The following PDE4D variants were observed in gnomAD, a reference collection of about 807,000 sequenced individuals.
PDE4D encodes phosphodiesterase 4D.
Under a neutral mutation model 87.4 loss-of-function variants are expected in PDE4D, and 24 were observed. That is an observed-to-expected ratio of 0.27 (90% CI 0.20 to 0.39). The LOEUF is 0.39. Among genes scored for constraint, PDE4D ranks in the 10% least tolerant of loss-of-function variants. PDE4D has a pLI of 1.00. For synonymous variants in PDE4D, 384 were observed against 383.2 expected (o/e 1.00, Z -0.02); for missense variants, 714 against 1,041.0 (o/e 0.69, Z 4.32).
chr5:59,928,022 C>A lies in PDE4D; in HGVS notation c.272+60466G>T, dbSNP rs77477836. On this transcript the variant is annotated intron_variant, in intron 3 of 16. Coordinates refer to the PDE4D transcript ENST00000502484. ...TGAATAATACCCAGCAGATTTGAAT[C>A]AGGGACAAAGCTCTCAAGCTGCGTG... is the stretch of plus-strand genomic sequence containing the variant. Among the ~76,000 whole-genome samples, 473 of 152,226 alleles carry A rather than the reference C, an allele frequency of 3.1e-3. 2 individuals carry two copies. The highest frequency in any genetic ancestry group is 0.011 in the African/African-American group (443 of 41,542).
intron 5 of PDE4D, among the ~76,000 whole-genome samples, chr5:59,150,912 A>G (rs1779384309): frequency 1.3e-5 from 2 of 152,224 alleles, no homozygotes; most frequent in African/African-American, 4.8e-5. Flanking sequence ...ATGAGAAAGC[A>G]GACACTATGG....
intron 1 of PDE4D, among the ~76,000 whole-genome samples, chr5:59,561,888 C>A (rs1475898292): frequency 1.3e-5 from 2 of 150,172 alleles, no homozygotes; most frequent in African/African-American, 4.9e-5. Flanking sequence ...GCTGAGATCG[C>A]ACCACTGCAC....
chr5:59,348,623 C>CTTT (rs5868176), intron 1 of PDE4D, among the ~76,000 whole-genome samples: 36,773 of 129,606 alleles, frequency 0.28, 6,204 homozygotes, highest in East Asian at 0.37. Flanking sequence ...CACTTCAAAG[C>CTTT]TTTTTTTTTT....
intron 1 of PDE4D, among the ~76,000 whole-genome samples, chr5:60,441,857 C>T (rs545623775): frequency 6.6e-6 from 1 of 152,012 alleles, no homozygotes; most frequent in East Asian, 1.9e-4. Flanking sequence ...CATCACTGGT[C>T]ATTAGAGAAA....
intron 1 of PDE4D, among the ~76,000 whole-genome samples, chr5:59,530,876 A>T (rs2153679407): frequency 6.6e-6 from 1 of 152,256 alleles, no homozygotes; most frequent in African/African-American, 2.4e-5. Context: ...GAAGGGGTAT[A>T]AGCTGTTGGT....
chr5:59,970,443 T>G (rs1041579203), intron 3 of PDE4D, among the ~76,000 whole-genome samples: 5 of 152,118 alleles, frequency 3.3e-5, no homozygotes, highest in African/African-American at 9.7e-5. Flanking sequence ...GGAGAAAATT[T>G]TCGCAACCTA....
chr5:59,788,908 G>C (rs1356668043), intron 1 of PDE4D, among the ~76,000 whole-genome samples: 1 of 152,084 alleles, frequency 6.6e-6, no homozygotes, highest in Admixed American at 6.5e-5. Flanking sequence ...TAGTGATATG[G>C]GCTTTACAAA....
chr5:60,398,740 C>A (rs1377121294), intron 1 of PDE4D, among the ~76,000 whole-genome samples: 2 of 152,162 alleles, frequency 1.3e-5, no homozygotes, highest in South Asian at 2.1e-4. Context: ...TTACTAAATA[C>A]TTAATATGGG....
At chr5:60,337,388 T>TACAC (rs370108536) in intron 1 of PDE4D, among the ~76,000 whole-genome samples, 2,841 of 89,264 alleles carry the variant, frequency 0.032, 115 homozygotes, top group Non-Finnish European at 0.044. Flanking sequence ...TATATATATA[T>TACAC]ACACACACAC....
intron 1 of PDE4D, among the ~76,000 whole-genome samples, chr5:60,480,491 G>T (rs541002522): frequency 6.6e-6 from 1 of 152,224 alleles, no homozygotes; most frequent in Admixed American, 6.5e-5. Flanking sequence ...GGTACATGAA[G>T]ATTAATTAGT....
At chr5:60,503,158 A>G (rs74449620) in intron 1 of PDE4D, among the ~76,000 whole-genome samples, 6,168 of 152,226 alleles carry the variant, frequency 0.041, 157 homozygotes, top group Middle Eastern at 0.11. Flanking sequence ...ATTAACCATC[A>G]CGAATAAAAA....
intron 1 of PDE4D, among the ~76,000 whole-genome samples, chr5:60,210,902 T>C (rs1016437418): frequency 3.3e-5 from 5 of 152,170 alleles, no homozygotes; most frequent in Non-Finnish European, 7.4e-5. Context: ...TCCATCCTAA[T>C]GGTGGATGCT....
intron 1 of PDE4D, among the ~76,000 whole-genome samples, chr5:59,540,939 T>G (rs1014493235): frequency 1.3e-5 from 2 of 152,164 alleles, no homozygotes; most frequent in African/African-American, 4.8e-5. Flanking sequence ...TATTTTTATC[T>G]TATAGATTTA....
At chr5:60,444,813 G>A (rs538210347) in intron 1 of PDE4D, among the ~76,000 whole-genome samples, 22 of 151,658 alleles carry the variant, frequency 1.5e-4, no homozygotes, top group African/African-American at 4.1e-4. Context: ...CTGACAAGCC[G>A]TTCTGGGGGG....
intron 2 of PDE4D, among the ~76,000 whole-genome samples, chr5:60,129,964 G>T (rs1374925035): frequency 6.6e-6 from 1 of 152,122 alleles, no homozygotes. Flanking sequence ...GGCCTGGGGG[G>T]TGATTATATC....
At chr5:60,138,313 C>T (rs1015386797) in intron 2 of PDE4D, among the ~76,000 whole-genome samples, 1 of 151,888 alleles carries the variant, frequency 6.6e-6, no homozygotes, top group African/African-American at 2.4e-5. Context: ...TTGATGCAAC[C>T]CCTTGTTAAA....
At chr5:59,641,218 A>G (rs1398034151) in intron 1 of PDE4D, among the ~76,000 whole-genome samples, 2 of 152,234 alleles carry the variant, frequency 1.3e-5, no homozygotes, top group African/African-American at 2.4e-5. Flanking sequence ...GCTGAAAGCT[A>G]TTTAATGTAT....
At chr5:60,456,258 C>A (rs1746460209) in intron 1 of PDE4D, among the ~76,000 whole-genome samples, 1 of 152,158 alleles carries the variant, frequency 6.6e-6, no homozygotes. Flanking sequence ...ATCCACATGG[C>A]TCTGCAGAAT....
In PDE4D at chr5:59,893,562, C is replaced by T. The variant is rs1023884504; in HGVS notation, c.61G>A (p.Ala21Thr). Residue 21 changes from alanine to threonine, a missense_variant, in exon 1 of 15, where the codon GCC becomes ACC. Transcript: ENST00000340635. ...GGGGCTTTGAGCGTGGCCCCGCCGG[C>T]GCTGTCGCTGCCCTCTCCGCTGCCC... ...RAGSGEGSDSAGGATLKAPKH... is the reference protein window; with the variant it reads ...RAGSGEGSDSTGGATLKAPKH... The T allele has an allele frequency of 1.3e-6, 2 of 1,533,932 alleles. No individual in the cohort carries two copies. Among genetic ancestry groups the T allele is most frequent in the African/African-American group, 1.4e-5 (1 of 71,048 alleles).
Sources: allele counts gnomAD v4.1 joint callset (sites outside exome capture counted in the v4.1 genomes callset), GRCh38; gene constraint gnomAD v4.1.1; transcripts MANE v1.5; gene names NCBI Gene and HGNC (gene_info 2026-07-23, HGNC 2026-07-21).